DZIP3: variants seen among roughly 807,000 people sequenced by gnomAD.
DZIP3 encodes the protein DAZ interacting zinc finger protein 3.
DZIP3 carries 118 observed loss-of-function variants against 162.0 expected under a neutral mutation model. That is an observed-to-expected ratio of 0.73 (90% CI 0.63 to 0.85). The LOEUF (loss-of-function observed/expected upper bound fraction) is 0.85. Ranked by LOEUF, DZIP3 falls within the 40% of genes least tolerant of loss-of-function variation. DZIP3 has a pLI of 0.00. For missense variants in DZIP3, 1,331 were observed against 1,407.0 expected (o/e 0.95, Z 0.86); for synonymous variants, 438 against 458.6 (o/e 0.96, Z 0.57).
At chr3:108,642,626 T>G in intron 13 of DZIP3, 112 bp downstream of exon 13, 1 of 1,196,548 alleles carries the variant, frequency 8.4e-7, no homozygotes, top group Non-Finnish European at 1.1e-6. Context: ...TGTCATTCAC[T>G]GAGCTTGGGT....
At chr3:108,601,749 G>T (rs1362386288) in intron 1 of DZIP3, among the ~76,000 whole-genome samples, 1 of 152,122 alleles carries the variant, frequency 6.6e-6, no homozygotes, top group Admixed American at 6.6e-5. Flanking sequence ...GACCCTTCTG[G>T]TGTTAAAGCT....
intron 4 of DZIP3, among the ~76,000 whole-genome samples, chr3:108,615,166 G>C (rs1295882048): frequency 6.6e-6 from 1 of 152,198 alleles, no homozygotes; most frequent in Non-Finnish European, 1.5e-5. Context: ...TCAAAAGTCA[G>C]CTCTCCAGAG....
chr3:108,683,010 A>G (rs1338273464), intron 26 of DZIP3, among the ~76,000 whole-genome samples: 5 of 150,896 alleles, frequency 3.3e-5, no homozygotes, highest in African/African-American at 1.2e-4. Flanking sequence ...AAAATTTGAC[A>G]CATATGTAAA....
intron 9 of DZIP3, among the ~76,000 whole-genome samples, chr3:108,634,338 T>A (rs902340999): frequency 6.6e-6 from 1 of 152,160 alleles, no homozygotes; most frequent in African/African-American, 2.4e-5. Context: ...AATTTAATTT[T>A]TGTCATCAAA....
At chr3:108,611,026 C>T in intron 3 of DZIP3, 148 bp from the exon 4 acceptor site, 4 of 654,912 alleles carry the variant, frequency 6.1e-6, no homozygotes, top group East Asian at 3.2e-5. Flanking sequence ...ATTATTCTTC[C>T]TTAGATTTTT....
At chr3:108,631,055 A>ACACACACACACACATACACTCTCTCTCT in intron 8 of DZIP3, among the ~76,000 whole-genome samples, 7 of 18,014 alleles carry the variant, frequency 3.9e-4, no homozygotes, top group South Asian at 2.3e-3. Context: ...ACACACACAC[A>ACACACACACACACATACACTCTCTCTCT]CTCTCTCTCT....
chr3:108,684,284 A>G lies in DZIP3; in HGVS notation c.2952A>G (p.Gln984=). Reference sequence around the variant, plus strand: ...TTAGACCCATACTTACTGTTCCTCAAATGCCTGCAGTTTGCCCGGGAGTCG... The same window carrying G: ...TTAGACCCATACTTACTGTTCCTCAGATGCCTGCAGTTTGCCCGGGAGTCG... ...SFFRPILTVP[Q]MPAVCPGVVS... The change falls in exon 27 of 33, where the codon CAA becomes CAG. Residue 984 remains glutamine, a synonymous_variant. Transcript: ENST00000361582. 1 of 1,613,510 alleles carries G rather than the reference A, an allele frequency of 6.2e-7. No individual in the cohort carries two copies. Among genetic ancestry groups the G allele is most frequent in the Middle Eastern group, 1.6e-4 (1 of 6,062 alleles).
At chr3:108,648,783 T>C in intron 16 of DZIP3, 135 bp from the exon 17 acceptor site, 2 of 398,582 alleles carry the variant, frequency 5.0e-6, no homozygotes, top group South Asian at 6.4e-5. Context: ...AATAATTGTT[T>C]CCATAGAATC....
intron 1 of DZIP3, chr3:108,602,925 C>G (rs1940109478): frequency 6.6e-6 from 1 of 152,192 alleles, no homozygotes; most frequent in South Asian, 2.1e-4. Flanking sequence ...TTTGAGCAAG[C>G]TGAAAAAGCC....
chr3:108,634,958 G>T lies in DZIP3; in HGVS notation c.904G>T (p.Gly302Cys). The change falls in exon 10 of 33, where the codon GGT (glycine) becomes TGT (cysteine). Residue 302 changes from glycine to cysteine, a missense_variant. This residue lies in a region of DZIP3 where 1,278 missense variants were observed against 1,317.1 expected (regional missense o/e 0.97). Transcript: ENST00000361582. ...WKKFKNLKYPGENDQSFSGKK... is the reference protein window; with the variant it reads ...WKKFKNLKYPCENDQSFSGKK... ...AAAGTTCAAGAATTTAAAGTATCCA[G>T]GTGAAAATGATCAGGTATTATATTC... 1 of 1,599,640 alleles carries T rather than the reference G, an allele frequency of 6.3e-7. No individual in the cohort carries two copies.
chr3:108,661,262 T>G (rs1192343959), intron 19 of DZIP3, among the ~76,000 whole-genome samples: 3 of 152,110 alleles, frequency 2.0e-5, no homozygotes, highest in African/African-American at 7.2e-5. Context: ...TAGACTGGAT[T>G]AAGGAAATGT....
chr3:108,667,687 C>T (rs6437788), intron 21 of DZIP3, among the ~76,000 whole-genome samples: 151,753 of 152,302 alleles, frequency 1, 75,605 homozygotes, highest in Middle Eastern at 1. Context: ...TTCTTATACA[C>T]GCATATGAAT....
chr3:108,644,691 A>G lies in DZIP3; in HGVS notation c.1669A>G (p.Asn557Asp). The change falls in exon 14 of 33, where the codon AAT (asparagine) becomes GAT (aspartate). Residue 557 changes from asparagine to aspartate, a missense_variant. Around this residue, in one of 2 missense-constraint regions of DZIP3, gnomAD observed 1,278 missense variants for 1,317.1 expected, o/e 0.97. Coordinates refer to ENST00000361582, the MANE Select transcript of DZIP3 (RefSeq NM_014648.4). ...CAAAGTGAAGGAGAATCCCATTGAG[A>G]ATATCTCCCTTGATTACCATCAGCT... ...IDKVKENPIENISLDYHQLSV... is the reference protein window; with the variant it reads ...IDKVKENPIEDISLDYHQLSV... The G allele has an allele frequency of 6.2e-7, 1 of 1,613,552 alleles. No individual in the cohort carries two copies. The highest frequency in any genetic ancestry group is 1.1e-5 in the South Asian group (1 of 91,074).
At chr3:108,658,412 G>A (rs556098985) in intron 19 of DZIP3, among the ~76,000 whole-genome samples, 2 of 152,034 alleles carry the variant, frequency 1.3e-5, no homozygotes, top group East Asian at 3.9e-4. Context: ...ACGAAATGAA[G>A]GCAGAAATAA....
chr3:108,639,118 T>A (rs977588917), intron 12 of DZIP3, among the ~76,000 whole-genome samples: 6 of 152,252 alleles, frequency 3.9e-5, no homozygotes, highest in African/African-American at 1.4e-4. Context: ...AAGCCTTACT[T>A]AGATTACAGT....
intron 1 of DZIP3, among the ~76,000 whole-genome samples, chr3:108,592,032 A>G (rs1939451267): frequency 6.6e-6 from 1 of 151,346 alleles, no homozygotes; most frequent in Non-Finnish European, 1.5e-5. Flanking sequence ...CAAAGGCCTT[A>G]TTAGCCTTAA....
At chr3:108,605,810 C>A (rs1576348364) in intron 2 of DZIP3, among the ~76,000 whole-genome samples, 1 of 146,572 alleles carries the variant, frequency 6.8e-6, no homozygotes, top group Non-Finnish European at 1.5e-5. Flanking sequence ...TTGACAAAAA[C>A]CAGCTGCATT....
rs765056399 is a variant in DZIP3, at chr3:108,634,822, A to G, written c.817-49A>G. ...TGACAATATAATTTTTTTTATCTAT[A>G]CAAGAATCACCATGTCCTTATTGAT... On this transcript the variant is annotated intron_variant, in intron 9 of 32. Coordinates refer to ENST00000361582, the MANE Select transcript of DZIP3 (RefSeq NM_014648.4). 2.2e-5 allele frequency: 27 copies of G among 1,207,864 alleles called. No individual in the cohort carries two copies. The South Asian group carries it at 2.6e-4, about 12-fold the overall frequency. The allele number at this position is 1,207,864 out of a possible 1,614,324, so 74.8% of individuals were successfully genotyped here.
At chr3:108,609,253 T>C (rs887708523) in intron 3 of DZIP3, among the ~76,000 whole-genome samples, 3 of 151,926 alleles carry the variant, frequency 2.0e-5, no homozygotes, top group Admixed American at 2.0e-4. Flanking sequence ...TCCTGTAACT[T>C]AGGAGGGGAA....
Sources: gnomAD v4.1 joint callset for allele counts (sites outside exome capture counted in the v4.1 genomes callset) on GRCh38, gnomAD v4.1.1 for gene constraint, gnomAD v4.1.1 regional missense constraint, MANE v1.5 for transcripts, NCBI Gene and HGNC (gene_info 2026-07-23, HGNC 2026-07-21) for gene names.